CAMTA1: variants seen among roughly 807,000 people sequenced by gnomAD.
CAMTA1 encodes the protein calmodulin binding transcription activator 1.
In CAMTA1, 27 loss-of-function variants were observed where a neutral mutation model predicts 170.9. The ratio of observed to expected loss-of-function variants is 0.16; its 90% confidence interval spans 0.12 to 0.22. CAMTA1 has a LOEUF of 0.22. CAMTA1 is among the 10% of genes least tolerant of loss of function. The pLI, the probability that CAMTA1 is intolerant of heterozygous loss-of-function variation, is 1.00. For missense variants in CAMTA1, 1,619 were observed against 2,217.2 expected (o/e 0.73, Z 5.42); for synonymous variants, 833 against 891.5 (o/e 0.93, Z 1.17).
In CAMTA1 at chr1:7,661,742, G is replaced by C; in HGVS notation, c.681G>C (p.Trp227Cys). ...QLKPMFHGIK[W>C]TCSNGNSSSG... ...TCTTCACAGTCCATGGCATCAAGTGGACCTGCAGCAATGGGAACAGCAGCT... is the reference window on the plus strand; with the variant it reads ...TCTTCACAGTCCATGGCATCAAGTGCACCTGCAGCAATGGGAACAGCAGCT... The change falls in exon 8 of 23, where the codon TGG (tryptophan) becomes TGC (cysteine). Residue 227 changes from tryptophan to cysteine, a missense_variant. Trp to Cys is a radical substitution (Grantham distance 215, BLOSUM62 -2). Around this residue, in one of 8 missense-constraint regions of CAMTA1, gnomAD observed 731 missense variants for 907.6 expected, o/e 0.81. Coordinates refer to ENST00000303635, the MANE Select transcript of CAMTA1 (RefSeq NM_015215.4). 6.2e-7 allele frequency: 1 copy of C among 1,613,814 alleles called. No homozygotes were observed. Among genetic ancestry groups the C allele is most frequent in the Non-Finnish European group, 8.5e-7 (1 of 1,179,992 alleles).
At chr1:7,650,483 G>A (rs146182026) in intron 7 of CAMTA1, among the ~76,000 whole-genome samples, 19 of 152,234 alleles carry the variant, frequency 1.2e-4, no homozygotes, top group African/African-American at 3.9e-4. Context: ...GAAAGAATAC[G>A]GGAAGGTCAA....
At chr1:7,158,364 T>C (rs1363547366) in intron 4 of CAMTA1, among the ~76,000 whole-genome samples, 1 of 152,168 alleles carries the variant, frequency 6.6e-6, no homozygotes, top group East Asian at 1.9e-4. Flanking sequence ...GTGTCTGCAA[T>C]TTACTGGGAA....
At chr1:7,627,992 T>G (rs1427049832) in intron 6 of CAMTA1, among the ~76,000 whole-genome samples, 3 of 152,172 alleles carry the variant, frequency 2.0e-5, no homozygotes, top group Non-Finnish European at 4.4e-5. Flanking sequence ...TGATCATTTT[T>G]TAGGAACTAA....
At chr1:7,484,804 C>T (rs1002951412) in intron 6 of CAMTA1, among the ~76,000 whole-genome samples, 2 of 151,826 alleles carry the variant, frequency 1.3e-5, no homozygotes, top group African/African-American at 2.4e-5. Context: ...AAAAAAAAAT[C>T]GTGGCTGTTG....
intron 6 of CAMTA1, among the ~76,000 whole-genome samples, chr1:7,604,742 G>T (rs2095472468): frequency 6.6e-6 from 1 of 152,222 alleles, no homozygotes; most frequent in African/African-American, 2.4e-5. Flanking sequence ...TTCCTTTGGA[G>T]GAGGAGAGGT....
At chr1:6,885,837 C>T (rs916329392) in intron 3 of CAMTA1, among the ~76,000 whole-genome samples, 28 of 152,222 alleles carry the variant, frequency 1.8e-4, no homozygotes, top group South Asian at 1.2e-3. Context: ...TCTTTCTGTC[C>T]GTTCCTACTT....
chr1:7,618,817 G>T (rs753028564), intron 6 of CAMTA1, among the ~76,000 whole-genome samples: 1 of 152,044 alleles, frequency 6.6e-6, no homozygotes, highest in South Asian at 2.1e-4. Flanking sequence ...ATTGAATTAG[G>T]TTAACTCAGC....
intron 22 of CAMTA1, among the ~76,000 whole-genome samples, chr1:7,763,423 A>T (rs2096991170): frequency 6.6e-6 from 1 of 152,234 alleles, no homozygotes; most frequent in East Asian, 1.9e-4. Flanking sequence ...AATATATCTG[A>T]AAATTGCATT....
At chr1:6,907,470 C>T (rs1678774517) in intron 3 of CAMTA1, among the ~76,000 whole-genome samples, 1 of 152,172 alleles carries the variant, frequency 6.6e-6, no homozygotes, top group South Asian at 2.1e-4. Flanking sequence ...AACACTTCCC[C>T]AGCAGGGCAT....
chr1:7,207,390 TC>T (rs1172437164), intron 4 of CAMTA1, among the ~76,000 whole-genome samples: 2 of 152,178 alleles, frequency 1.3e-5, no homozygotes, highest in Non-Finnish European at 2.9e-5. Flanking sequence ...GGAAAGAAAA[TC>T]TTCTATCATA....
chr1:7,354,348 A>G (rs1425182939), intron 5 of CAMTA1, among the ~76,000 whole-genome samples: 4 of 151,482 alleles, frequency 2.6e-5, no homozygotes, highest in Admixed American at 2.6e-4. Flanking sequence ...ATGGGGTTTC[A>G]CCGTGTTAGC....
chr1:6,824,454 A>C (rs1235244423), intron 2 of CAMTA1, among the ~76,000 whole-genome samples: 1 of 152,202 alleles, frequency 6.6e-6, no homozygotes, highest in African/African-American at 2.4e-5. Context: ...GAAGAGTTAC[A>C]TTTTGATGAA....
At chr1:7,438,774 G>C (rs546763820) in intron 5 of CAMTA1, among the ~76,000 whole-genome samples, 1 of 152,224 alleles carries the variant, frequency 6.6e-6, no homozygotes, top group East Asian at 1.9e-4. Flanking sequence ...AGCAGAAAGA[G>C]CATGGCCTGT....
At chr1:7,075,191 G>T (rs1639132586) in intron 3 of CAMTA1, among the ~76,000 whole-genome samples, 1 of 152,122 alleles carries the variant, frequency 6.6e-6, no homozygotes, top group Non-Finnish European at 1.5e-5. Flanking sequence ...AAAGTGGTCG[G>T]GAGTCTTCAG....
intron 4 of CAMTA1, among the ~76,000 whole-genome samples, chr1:7,226,394 C>A (rs1661696248): frequency 6.6e-6 from 1 of 152,154 alleles, no homozygotes; most frequent in Non-Finnish European, 1.5e-5. Context: ...AGAGCAGGTG[C>A]CCCGTGAATG....
chr1:7,114,443 G>A (rs1221240403), intron 4 of CAMTA1, among the ~76,000 whole-genome samples: 1 of 122,058 alleles, frequency 8.2e-6, no homozygotes, highest in Non-Finnish European at 1.8e-5. Context: ...TAGTTGATAA[G>A]CCAGAAAAAA....
chr1:7,217,929 A>G (rs1012870203), intron 4 of CAMTA1, among the ~76,000 whole-genome samples: 1 of 152,184 alleles, frequency 6.6e-6, no homozygotes, highest in African/African-American at 2.4e-5. Flanking sequence ...GTTCCCCATA[A>G]GTTCCTTTGC....
At chr1:7,033,632 G>A (rs1330752974) in intron 3 of CAMTA1, among the ~76,000 whole-genome samples, 1 of 113,880 alleles carries the variant, frequency 8.8e-6, no homozygotes, top group East Asian at 2.7e-4. Context: ...TCACTCTGTT[G>A]CCCAGGCTGG....
intron 4 of CAMTA1, among the ~76,000 whole-genome samples, chr1:7,185,629 C>A (rs779762947): frequency 1.9e-4 from 29 of 152,186 alleles, no homozygotes; most frequent in South Asian, 4.1e-4. Flanking sequence ...ATAGCAGACA[C>A]TACCTGAATC....
Sources: allele counts gnomAD v4.1 joint callset (sites outside exome capture counted in the v4.1 genomes callset), GRCh38; gene constraint gnomAD v4.1.1; regional missense constraint gnomAD v4.1.1; transcripts MANE v1.5; gene names NCBI Gene and HGNC (gene_info 2026-07-23, HGNC 2026-07-21).